Variants in IGF2R observed in about 807,000 individuals in gnomAD.
IGF2R encodes insulin like growth factor 2 receptor, also known as cation-independent mannose-6-phosphate receptor.
IGF2R carries 91 observed loss-of-function variants against 270.6 expected under a neutral mutation model. The ratio of observed to expected loss-of-function variants is 0.34; its 90% confidence interval spans 0.28 to 0.40. The LOEUF (loss-of-function observed/expected upper bound fraction) is 0.40, where lower values mean the gene tolerates loss of function less well. IGF2R is among the 10% of genes least tolerant of loss of function. The probability of loss-of-function intolerance (pLI) is 1.00; values close to 1 mark genes in which losing one functional copy is unlikely to be tolerated. For synonymous variants in IGF2R, 1,316 were observed against 1,258.9 expected, an observed-to-expected ratio of 1.05 and a Z score of -0.96; for missense variants, 2,805 against 3,188.3, an observed-to-expected ratio of 0.88 and a Z score of 2.90.
At chr6:160,067,881 T>C (rs1206063543) in intron 29 of IGF2R, among the ~76,000 whole-genome samples, 1 of 152,224 alleles carries the variant, frequency 6.6e-6, no homozygotes, top group African/African-American at 2.4e-5. Context: ...TGTGTGCTCC[T>C]AGCATCTTGG....
chr6:160,016,421 A>C (rs902834832), intron 4 of IGF2R, among the ~76,000 whole-genome samples: 3 of 152,150 alleles, frequency 2.0e-5, no homozygotes, highest in Non-Finnish European at 4.4e-5. Flanking sequence ...GCAGAACACA[A>C]GACAGTGATG....
intron 19 of IGF2R, among the ~76,000 whole-genome samples, chr6:160,052,675 T>G (rs1778225146): frequency 6.6e-6 from 1 of 152,204 alleles, no homozygotes; most frequent in Non-Finnish European, 1.5e-5. Flanking sequence ...GCTACCTGAC[T>G]TCAAACTATG....
rs1451103478 is a variant in IGF2R at position 160,102,029 on chromosome 6, C to T, written c.6843-490C>T. ...ACCCTGGTCTGTGGCCGCCCCTGGG[C>T]CCCGTCCTGGCCTGTTTCTAAGGCC... is the stretch of plus-strand genomic sequence containing the variant. On this transcript the variant is annotated intron_variant, in intron 45 of 47. Coordinates refer to ENST00000356956, the MANE Select transcript of IGF2R (RefSeq NM_000876.4). The surrounding 1 kb of genome is among the most constrained non-coding windows in gnomAD (Gnocchi z 4.5). 1.3e-5 allele frequency among the ~76,000 whole-genome samples: 2 copies of T among 152,274 alleles called. No homozygotes were observed. Among genetic ancestry groups the T allele is most frequent in the South Asian group, 2.1e-4 (1 of 4,818 alleles).
intron 4 of IGF2R, among the ~76,000 whole-genome samples, chr6:160,012,952 C>T (rs1784361549): frequency 6.6e-6 from 1 of 151,642 alleles, no homozygotes. Flanking sequence ...CTCAAGTGTC[C>T]AGTTGGCCGG....
Position 160,109,463 on chromosome 6 carries a change from T to C in IGF2R, c.*4379T>C, listed in dbSNP as rs1378042263. 6.6e-6 allele frequency: 1 copy of C among 152,214 alleles called. No individual in the cohort carries two copies. Among genetic ancestry groups the C allele is most frequent in the Non-Finnish European group, 1.5e-5 (1 of 68,034 alleles). The allele number at this position is 152,214 out of a possible 1,614,324, so 9.4% of individuals were successfully genotyped here. On this transcript the variant is annotated 3_prime_UTR_variant, in exon 48 of 48. Transcript: ENST00000356956. ...TTCAAACTTACAGAACAAAGAACTA[T>C]TTTTTCCCTGAATCATTTGAGACTA...
chr6:160,073,908 C>A lies in IGF2R; in HGVS notation c.5099C>A (p.Pro1700His), dbSNP rs773108828. Residue 1700 changes from proline (P) to histidine (H), a missense_variant, in exon 35 of 48, where the codon CCC (proline) becomes CAC (histidine). Around this residue, in one of 2 missense-constraint regions of IGF2R, gnomAD observed 1,851 missense variants for 2,207.2 expected, o/e 0.84. Coordinates refer to ENST00000356956, the MANE Select transcript of IGF2R (RefSeq NM_000876.4). ...FYINICQPLN[P>H]MHGVPCPAGA... The stretch of plus-strand genomic sequence containing the variant: ...ATCAATATTTGTCAGCCACTAAATC[C>A]CATGCACGGAGTGCCCTGTCCTGCC... 1 of 1,614,188 alleles carries A rather than the reference C, an allele frequency of 6.2e-7. No homozygotes were observed. Among genetic ancestry groups the A allele is most frequent in the South Asian group, 1.1e-5 (1 of 91,080 alleles).
At position 160,065,018 on chromosome 6, in the gene IGF2R, C is replaced by T. The variant is rs755825146; in HGVS notation, c.4115+117C>T. On this transcript the variant is annotated intron_variant, in intron 29 of 47. Coordinates refer to ENST00000356956, the MANE Select transcript of IGF2R (RefSeq NM_000876.4). ...TTAGTCAGTTAATTTACCTAGGACTCGGTTTGCTCATATTAAAATGAGGAG... is the reference window on the plus strand; with the variant it reads ...TTAGTCAGTTAATTTACCTAGGACTTGGTTTGCTCATATTAAAATGAGGAG... 26 of 692,228 alleles carry T rather than the reference C, an allele frequency of 3.8e-5. No individual in the cohort carries two copies. The Middle Eastern group carries it at 7.2e-4, about 19-fold the overall frequency. The allele number at this position is 692,228 out of a possible 1,614,324, so 42.9% of individuals were successfully genotyped here. A position where few individuals can be genotyped will look rare whatever the true frequency, so the allele number is the denominator to read the frequency against.
chr6:160,044,444 A>G lies in IGF2R; in HGVS notation c.1622-70A>G, dbSNP rs950413603. The G allele has an allele frequency of 3.6e-5, 43 of 1,196,212 alleles. No homozygotes were observed. The African/African-American group carries it at 3.8e-4, about 11-fold the overall frequency. 74.1% of individuals were successfully genotyped at this position (1,196,212 alleles called of 1,614,324 possible). On this transcript the variant is annotated intron_variant, in intron 12 of 47. Coordinates refer to ENST00000356956, the MANE Select transcript of IGF2R (RefSeq NM_000876.4). ...TTTCTCTTTCTTTCTTTTTTTTTTA[A>G]GTCACTTCTTTGTCTGCGTGATGAT...
intron 1 of IGF2R, among the ~76,000 whole-genome samples, chr6:159,984,946 C>G (rs1049239455): frequency 3.3e-5 from 5 of 152,152 alleles, no homozygotes; most frequent in Non-Finnish European, 2.9e-5. Flanking sequence ...ATAAATTAAA[C>G]TTAATCATGG....
chr6:160,106,573 T>C lies in IGF2R; in HGVS notation c.*1489T>C, dbSNP rs1377677463. ...TTAATTGGGTGTTACCATTTTTTCCTTGATAGTGAGACGTTCCCGAGCGAG... is the reference window on the plus strand; with the variant it reads ...TTAATTGGGTGTTACCATTTTTTCCCTGATAGTGAGACGTTCCCGAGCGAG... On this transcript the variant is annotated 3_prime_UTR_variant, in exon 48 of 48. Transcript: ENST00000356956. 1 of 152,276 alleles carries C rather than the reference T, an allele frequency of 6.6e-6. No homozygotes were observed. Among genetic ancestry groups the C allele is most frequent in the Non-Finnish European group, 1.5e-5 (1 of 68,046 alleles). The allele number at this position is 152,276 out of a possible 1,614,324, so 9.4% of individuals were successfully genotyped here.
intron 45 of IGF2R, among the ~76,000 whole-genome samples, chr6:160,101,193 C>G (rs1447576988): frequency 1.3e-5 from 2 of 152,198 alleles, no homozygotes; most frequent in Non-Finnish European, 2.9e-5. Context: ...CGTTTGAAGA[C>G]TAAAACTCAC....
chr6:160,026,513 TTAGA>T (rs1299923944), intron 5 of IGF2R, among the ~76,000 whole-genome samples: 3 of 152,188 alleles, frequency 2.0e-5, no homozygotes, highest in African/African-American at 4.8e-5. Flanking sequence ...GGAACTTTAG[TTAGA>T]TAGGAGAAAA....
chr6:159,974,448 A>G (rs926147540), intron 1 of IGF2R, among the ~76,000 whole-genome samples: 2 of 152,140 alleles, frequency 1.3e-5, no homozygotes, highest in Admixed American at 1.3e-4. Context: ...TTTCTTAGAT[A>G]TGTGTGAGGT....
intron 46 of IGF2R, 120 bp from the exon 47 acceptor site, chr6:160,103,626 G>A (rs1779543320): frequency 2.8e-6 from 2 of 706,786 alleles, no homozygotes; most frequent in Non-Finnish European, 5.2e-6. Context: ...CAGAATGTGG[G>A]AGAAATGCAG....
At chr6:159,981,348 T>G (rs1482626024) in intron 1 of IGF2R, among the ~76,000 whole-genome samples, 2 of 152,100 alleles carry the variant, frequency 1.3e-5, no homozygotes, top group African/African-American at 2.4e-5. Context: ...AGTGTGTGTG[T>G]GTGAGTGTGT....
In IGF2R at chr6:159,980,498, GA is replaced by G. The variant is rs367909728; in HGVS notation, c.150-10685del. Among the ~76,000 whole-genome samples the G allele has an allele frequency of 3.3e-3, 501 of 152,336 alleles. 4 individuals are homozygous for G. Among genetic ancestry groups the G allele is most frequent in the Middle Eastern group, 0.024 (7 of 294 alleles). On this transcript the variant is annotated intron_variant, in intron 1 of 47. Coordinates refer to ENST00000356956, the MANE Select transcript of IGF2R (RefSeq NM_000876.4). ...CATTCTGAGTCTGTAAGAAGGTGGA[GA>G]GGGGCAGCCCCAGCTGGGTGTTAGG...
intron 2 of IGF2R, chr6:160,007,071 C>T (rs1423751957): frequency 6.6e-6 from 1 of 151,986 alleles, no homozygotes; most frequent in Non-Finnish European, 1.5e-5. Flanking sequence ...TGGTTTATTC[C>T]TTCTGACTGC....
rs556894564 is a variant in IGF2R, at chr6:160,010,722, G to T, written c.450G>T (p.Val150=). The T allele has an allele frequency of 5.0e-6, 8 of 1,611,816 alleles. No individual in the cohort carries two copies. In the East Asian group the frequency reaches 1.6e-4, roughly 31 times the overall value. Reference sequence around the variant, plus strand: ...AATTTGTAACTGCAACAGAATGTGTGCACTACTTTGAGTGGAGGACCACTG... The same window carrying T: ...AATTTGTAACTGCAACAGAATGTGTTCACTACTTTGAGTGGAGGACCACTG... The part of the protein sequence containing the change: ...TPEFVTATEC[V]HYFEWRTTAA... Residue 150 remains valine (V), a synonymous_variant, in exon 4 of 48, where the codon GTG becomes GTT. Transcript: ENST00000356956.
chr6:160,045,343 G>A (rs1245413203), intron 13 of IGF2R, among the ~76,000 whole-genome samples: 1 of 152,140 alleles, frequency 6.6e-6, no homozygotes, highest in African/African-American at 2.4e-5. Context: ...TCAGAAGCTA[G>A]GGTCATTTTG....
Sources: allele counts gnomAD v4.1 joint callset (sites outside exome capture counted in the v4.1 genomes callset), GRCh38; gene constraint gnomAD v4.1.1; regional missense constraint gnomAD v4.1.1; non-coding constraint Gnocchi (gnomAD v3.1); transcripts MANE v1.5; gene names NCBI Gene and HGNC (gene_info 2026-07-23, HGNC 2026-07-21).